Variants in PRDX6 observed in about 807,000 individuals in gnomAD.
PRDX6 encodes the protein peroxiredoxin-6.
In PRDX6, 13 loss-of-function variants were observed where a neutral mutation model predicts 20.0. The observed-to-expected ratio is 0.65, with a 90% CI of 0.42 to 1.03. The LOEUF (loss-of-function observed/expected upper bound fraction) is 1.03, where lower values mean the gene tolerates loss of function less well. Ranked by LOEUF, PRDX6 falls within the 50% of genes least tolerant of loss-of-function variation. The pLI is 0.00. For synonymous variants in PRDX6, 85 were observed against 100.8 expected (o/e 0.84, Z 0.94); for missense variants, 203 against 276.9 (o/e 0.73, Z 1.89).
chr1:173,485,349 C>CT lies in PRDX6; in HGVS notation c.253-10dup, dbSNP rs1553242339. On this transcript the variant is annotated splice_polypyrimidine_tract_variant and intron_variant, in intron 2 of 4. Transcript: ENST00000340385. Reference sequence around the variant, plus strand: ...GTTTAGATTCCTCTTTCCCCTTTTACTTGTGTTTCAGGATATCAATGCTTA... The same window carrying CT: ...GTTTAGATTCCTCTTTCCCCTTTTACTTTGTGTTTCAGGATATCAATGCTTA... The CT allele has an allele frequency of 1.3e-6, 2 of 1,562,898 alleles. No homozygotes were observed. Among genetic ancestry groups the CT allele is most frequent in the Non-Finnish European group, 8.7e-7 (1 of 1,148,882 alleles).
At position 173,478,275 on chromosome 1, in the gene PRDX6, T is replaced by C. The variant is rs181217444; in HGVS notation, c.95+783T>C. Among the ~76,000 whole-genome samples the C allele has an allele frequency of 2.6e-5, 4 of 152,326 alleles. No homozygotes were observed. In the East Asian group the frequency reaches 7.7e-4, roughly 29 times the overall value. On this transcript the variant is annotated intron_variant, in intron 1 of 4. Coordinates refer to ENST00000340385, the MANE Select transcript of PRDX6 (RefSeq NM_004905.3). ...TTGCAACACTTGGAGGGAAGGACTT[T>C]CTGACGCTGTTCCGCTGGAGTGGCC...
Position 173,486,280 on chromosome 1 carries a change from A to C in PRDX6, c.425A>C (p.Lys142Thr). ...GTGTTTGTTTTTGGTCCTGATAAGA[A>C]GCTGAAGCTGTCTATCCTCTACCCA... is the stretch of plus-strand genomic sequence containing the variant. The part of the protein sequence containing the change: ...RVVFVFGPDK[K>T]LKLSILYPAT... The change falls in exon 4 of 5, where the codon AAG (lysine) becomes ACG (threonine). Residue 142 changes from lysine to threonine, a missense_variant. Transcript: ENST00000340385. 6.2e-7 allele frequency: 1 copy of C among 1,608,282 alleles called. No individual in the cohort carries two copies.
rs950376023 is a variant in PRDX6 at position 173,487,622 on chromosome 1, A to T, written c.547-113A>T. The T allele has an allele frequency of 8.2e-6, 10 of 1,222,302 alleles. No individual in the cohort carries two copies. In the African/African-American group the frequency reaches 1.5e-4, roughly 19 times the overall value. 75.7% of individuals were successfully genotyped at this position (1,222,302 alleles called of 1,614,324 possible). ...AATCCTCACAGAGGGGAGAGTAAAGAACACTTGATTAGTCTCATTAGCACC... is the reference window on the plus strand; with the variant it reads ...AATCCTCACAGAGGGGAGAGTAAAGTACACTTGATTAGTCTCATTAGCACC... On this transcript the variant is annotated intron_variant, in intron 4 of 4. Coordinates refer to ENST00000340385, the MANE Select transcript of PRDX6 (RefSeq NM_004905.3).
intron 4 of PRDX6, among the ~76,000 whole-genome samples, chr1:173,487,442 G>C (rs2101860540): frequency 6.6e-6 from 1 of 152,268 alleles, no homozygotes; most frequent in East Asian, 1.9e-4. Flanking sequence ...AGAGGAGGCA[G>C]GATTCCATCA....
intron 1 of PRDX6, 84 bp from the exon 2 acceptor site, chr1:173,481,242 G>C: frequency 7.5e-7 from 1 of 1,326,278 alleles, no homozygotes; most frequent in Admixed American, 2.2e-5. Flanking sequence ...GCCTGTTTTT[G>C]ATCCAGAAGT....
In PRDX6 at chr1:173,481,319, C is replaced by T. The variant is rs1195273784; in HGVS notation, c.96-7C>T. ...TTCAATTGTGACCTTGTTTTTCTTC[C>T]TTTCAGATGGGGCATTCTCTTCTCC... On this transcript the variant is annotated splice_region_variant and splice_polypyrimidine_tract_variant and intron_variant, in intron 1 of 4. Transcript: ENST00000340385. The T allele has an allele frequency of 6.2e-7, 1 of 1,609,540 alleles. No individual in the cohort carries two copies. Among genetic ancestry groups the T allele is most frequent in the East Asian group, 2.2e-5 (1 of 44,838 alleles).
chr1:173,480,469 A>T (rs995838062), intron 1 of PRDX6, among the ~76,000 whole-genome samples: 3 of 152,226 alleles, frequency 2.0e-5, no homozygotes, highest in African/African-American at 7.2e-5. Context: ...TGTTGCCAAG[A>T]AGAAGGAAAT....
At chr1:173,481,654 A>G in intron 2 of PRDX6, 172 bp downstream of exon 2, 1 of 676,352 alleles carries the variant, frequency 1.5e-6, no homozygotes, top group Non-Finnish European at 2.5e-6. Flanking sequence ...TCCATTGGTC[A>G]GTCAATTCTC....
intron 3 of PRDX6, 135 bp downstream of exon 3, chr1:173,485,642 T>A: frequency 1.2e-6 from 1 of 821,906 alleles, no homozygotes; most frequent in Non-Finnish European, 1.7e-6. Flanking sequence ...ACAATATCAC[T>A]GATTATCTGT....
At chr1:173,477,809 T>G (rs1658728098) in intron 1 of PRDX6, among the ~76,000 whole-genome samples, 1 of 152,244 alleles carries the variant, frequency 6.6e-6, no homozygotes, top group Admixed American at 6.5e-5. Context: ...CTGCGGGTTC[T>G]GGAAACTCAC....
chr1:173,488,248 G>C lies in PRDX6; in HGVS notation c.*385G>C, dbSNP rs1048952720. ...TAACTGTCCTATCACGTCCTCTCCT[G>C]TCACCCATTTTGAAGAGTGGCAGAA... is the stretch of plus-strand genomic sequence containing the variant. On this transcript the variant is annotated 3_prime_UTR_variant, in exon 5 of 5. Transcript: ENST00000340385. 6.3e-6 allele frequency: 1 copy of C among 157,784 alleles called. No individual in the cohort carries two copies. Among genetic ancestry groups the C allele is most frequent in the African/African-American group, 2.4e-5 (1 of 41,562 alleles). 9.8% of individuals were successfully genotyped at this position (157,784 alleles called of 1,614,324 possible).
At chr1:173,485,629 G>A (rs1433046683) in intron 3 of PRDX6, 122 bp downstream of exon 3, 1 of 935,698 alleles carries the variant, frequency 1.1e-6, no homozygotes, top group East Asian at 2.9e-5. Flanking sequence ...CTGTGTATTG[G>A]CGACAATATC....
intron 1 of PRDX6, 100 bp downstream of exon 1, chr1:173,477,592 C>G (rs1320357870): frequency 2.0e-6 from 2 of 1,021,166 alleles, no homozygotes; most frequent in African/African-American, 1.7e-5. Flanking sequence ...GCCGCTCAGC[C>G]CCCTGCGCCG....
At chr1:173,481,245 C>T (rs1658796003) in intron 1 of PRDX6, 81 bp from the exon 2 acceptor site, 1 of 1,348,746 alleles carries the variant, frequency 7.4e-7, no homozygotes, top group African/African-American at 1.5e-5. Context: ...TGTTTTTGAT[C>T]CAGAAGTTGT....
chr1:173,487,501 G>A (rs1227642388), intron 4 of PRDX6, among the ~76,000 whole-genome samples: 1 of 152,196 alleles, frequency 6.6e-6, no homozygotes. Context: ...AAAGTGTGGT[G>A]GCCAGCTGTT....
rs1658879397 is a variant in PRDX6 at position 173,485,402 on chromosome 1, AC to A, written c.296del (p.Pro99LeufsTer31). ...YNCEEPTEKL[P>X]FPIIDDRNRE... ...ATTGTGAAGAGCCCACAGAAAAGTT[AC>A]CTTTTCCCATCATCGATGATAGGAA... On this transcript the variant is annotated frameshift_variant, in exon 3 of 5. Transcript: ENST00000340385. LOFTEE classifies it high-confidence loss of function. 1 of 1,608,046 alleles carries A rather than the reference AC, an allele frequency of 6.2e-7. No homozygotes were observed. Among genetic ancestry groups the A allele is most frequent in the Non-Finnish European group, 8.5e-7 (1 of 1,177,106 alleles).
At chr1:173,479,279 A>G (rs1658763419) in intron 1 of PRDX6, among the ~76,000 whole-genome samples, 1 of 152,212 alleles carries the variant, frequency 6.6e-6, no homozygotes, top group Non-Finnish European at 1.5e-5. Context: ...ATTAACTAAT[A>G]TACAAGTCTG....
In PRDX6 at chr1:173,486,404, A is replaced by G; in HGVS notation, c.546+3A>G. Reference sequence around the variant, plus strand: ...TTGCCACCCCAGTTGATTGGAAGGTAAAGATGTTTTTAAAAAGCAGTTTCT... The same window carrying G: ...TTGCCACCCCAGTTGATTGGAAGGTGAAGATGTTTTTAAAAAGCAGTTTCT... On this transcript the variant is annotated splice_donor_region_variant and intron_variant, in intron 4 of 4. Transcript: ENST00000340385. The G allele has an allele frequency of 6.3e-7, 1 of 1,599,020 alleles. No individual in the cohort carries two copies. Among genetic ancestry groups the G allele is most frequent in the Non-Finnish European group, 8.5e-7 (1 of 1,173,664 alleles).
At chr1:173,478,341 T>A (rs1658741077) in intron 1 of PRDX6, among the ~76,000 whole-genome samples, 1 of 152,182 alleles carries the variant, frequency 6.6e-6, no homozygotes, top group Admixed American at 6.5e-5. Context: ...CCAGGACACG[T>A]GTACTCCCCA....
Sources: allele counts gnomAD v4.1 joint callset (sites outside exome capture counted in the v4.1 genomes callset), GRCh38; gene constraint gnomAD v4.1.1; transcripts MANE v1.5; gene names NCBI Gene and HGNC (gene_info 2026-07-23, HGNC 2026-07-21).